The following KIRREL1 variants were observed in gnomAD, a reference collection of about 807,000 sequenced individuals.
KIRREL1 encodes the protein kirre like nephrin family adhesion molecule 1.
In KIRREL1, 25 loss-of-function variants were observed where a neutral mutation model predicts 83.3. The observed-to-expected ratio is 0.30, with a 90% CI of 0.22 to 0.42. The LOEUF (loss-of-function observed/expected upper bound fraction) is 0.42, where lower values mean the gene tolerates loss of function less well. Among genes scored for constraint, KIRREL1 ranks in the 10% least tolerant of loss-of-function variants. KIRREL1 has a pLI of 1.00. For missense variants in KIRREL1, 812 were observed against 1,032.3 expected, an observed-to-expected ratio of 0.79 and a Z score of 2.92; for synonymous variants, 388 against 410.4, an observed-to-expected ratio of 0.95 and a Z score of 0.66.
In KIRREL1 at chr1:158,099,664, A is replaced by G. The variant is rs944176738; in HGVS notation, c.*4544A>G. 5 of 152,122 alleles carry G rather than the reference A, an allele frequency of 3.3e-5. No homozygotes were observed. Among genetic ancestry groups the G allele is most frequent in the Admixed American group, 3.3e-4 (5 of 15,274 alleles). 9.4% of individuals were successfully genotyped at this position (152,122 alleles called of 1,614,324 possible). A position where few individuals can be genotyped will look rare whatever the true frequency, so the allele number is the denominator to read the frequency against. Reference sequence around the variant, plus strand: ...TAATAACAATAATAATAATAACTCCATTTGCATAGAACTGTCACTCATTCC... The same window carrying G: ...TAATAACAATAATAATAATAACTCCGTTTGCATAGAACTGTCACTCATTCC... On this transcript the variant is annotated 3_prime_UTR_variant, in exon 15 of 15. Transcript: ENST00000359209.
intron 1 of KIRREL1, among the ~76,000 whole-genome samples, chr1:158,018,970 T>C (rs964077793): frequency 3.3e-5 from 5 of 152,188 alleles, no homozygotes; most frequent in African/African-American, 1.2e-4. Context: ...ATAAGGTTCA[T>C]TCGGATGACT....
chr1:158,074,975 G>C (rs1445832251), intron 1 of KIRREL1, among the ~76,000 whole-genome samples: 1 of 152,134 alleles, frequency 6.6e-6, no homozygotes, highest in African/African-American at 2.4e-5. Context: ...GCCGATTTCA[G>C]TTACCTGGTA....
intron 2 of KIRREL1, 49 bp downstream of exon 2, chr1:158,076,311 T>G: frequency 1.3e-6 from 2 of 1,558,016 alleles, no homozygotes; most frequent in Non-Finnish European, 8.8e-7. Flanking sequence ...TTCTCCGCCA[T>G]TCCCCACTTC....
rs1477886569 is a variant in KIRREL1, at chr1:158,098,827, C to T, written c.*3707C>T. ...CCCTTATTCCAGCAGGGCTACTTTC[C>T]TCTTCACTCTGATGAGGGGAGCTTT... On this transcript the variant is annotated 3_prime_UTR_variant, in exon 15 of 15. Coordinates refer to ENST00000359209, the MANE Select transcript of KIRREL1 (RefSeq NM_018240.7). 1 of 152,218 alleles carries T rather than the reference C, an allele frequency of 6.6e-6. No homozygotes were observed. Among genetic ancestry groups the T allele is most frequent in the Admixed American group, 6.5e-5 (1 of 15,282 alleles). The allele number at this position is 152,218 out of a possible 1,614,324, so 9.4% of individuals were successfully genotyped here.
At chr1:158,027,274 G>A (rs1391614311) in intron 1 of KIRREL1, among the ~76,000 whole-genome samples, 4 of 152,218 alleles carry the variant, frequency 2.6e-5, no homozygotes, top group East Asian at 3.8e-4. Flanking sequence ...GAGGCACAGA[G>A]CAAGGCACGT....
rs572974912 is a variant in KIRREL1, at chr1:158,031,369, A to G, written c.52+37641A>G. ...CACACACACACATGCACACACACGC[A>G]CTGCCATGAGGCTTGGAGAGTTAGG... On this transcript the variant is annotated intron_variant, in intron 1 of 14. Coordinates refer to ENST00000359209, the MANE Select transcript of KIRREL1 (RefSeq NM_018240.7). Among the ~76,000 whole-genome samples the G allele has an allele frequency of 7.0e-4, 106 of 152,200 alleles. 1 individual carries two copies. Among genetic ancestry groups the G allele is most frequent in the African/African-American group, 2.4e-3 (101 of 41,516 alleles).
At chr1:158,056,177 T>C (rs941037251) in intron 1 of KIRREL1, among the ~76,000 whole-genome samples, 1 of 152,226 alleles carries the variant, frequency 6.6e-6, no homozygotes, top group East Asian at 1.9e-4. Flanking sequence ...CAGTCTCTGT[T>C]TGTCAACACC....
chr1:158,092,105 A>G (rs886305183), intron 11 of KIRREL1, among the ~76,000 whole-genome samples: 2 of 152,232 alleles, frequency 1.3e-5, no homozygotes, highest in African/African-American at 2.4e-5. Context: ...ATAGGTGTTC[A>G]GTAAGTATGG....
intron 1 of KIRREL1, among the ~76,000 whole-genome samples, chr1:158,033,276 T>C (rs146536315): frequency 0.029 from 4,366 of 152,250 alleles, 86 homozygotes; most frequent in Middle Eastern, 0.051. Flanking sequence ...TTCACCATGT[T>C]GACCAGGCTG....
At chr1:158,020,933 G>A (rs1429181047) in intron 1 of KIRREL1, among the ~76,000 whole-genome samples, 1 of 152,170 alleles carries the variant, frequency 6.6e-6, no homozygotes, top group Non-Finnish European at 1.5e-5. Context: ...TTGATGATGG[G>A]ACCACCTTAC....
chr1:158,054,367 A>T (rs2101596214), intron 1 of KIRREL1, among the ~76,000 whole-genome samples: 1 of 152,030 alleles, frequency 6.6e-6, no homozygotes, highest in African/African-American at 2.4e-5. Flanking sequence ...TCTTGCCAAC[A>T]AGTTGCCTGT....
chr1:158,035,327 C>G (rs953777487), intron 1 of KIRREL1, among the ~76,000 whole-genome samples: 1 of 152,148 alleles, frequency 6.6e-6, no homozygotes, highest in African/African-American at 2.4e-5. Flanking sequence ...TGTAAAGTTG[C>G]GACTGCCCTC....
Position 158,098,315 on chromosome 1 carries a change from A to G in KIRREL1, c.*3195A>G, listed in dbSNP as rs148306717. The G allele has an allele frequency of 1.3e-4, 20 of 152,346 alleles. No individual in the cohort carries two copies. The highest frequency in any genetic ancestry group is 4.8e-4 in the African/African-American group (20 of 41,584). 9.4% of individuals were successfully genotyped at this position (152,346 alleles called of 1,614,324 possible). On this transcript the variant is annotated 3_prime_UTR_variant, in exon 15 of 15. Transcript: ENST00000359209. Reference sequence around the variant, plus strand: ...ATAGTATGCACATAGGGATATTGTTATGTGCCTAGGTTTCAGGCACTCCTT... The same window carrying G: ...ATAGTATGCACATAGGGATATTGTTGTGTGCCTAGGTTTCAGGCACTCCTT...
At chr1:158,007,628 G>T (rs553402948) in intron 1 of KIRREL1, among the ~76,000 whole-genome samples, 2 of 152,050 alleles carry the variant, frequency 1.3e-5, no homozygotes, top group Admixed American at 6.5e-5. Flanking sequence ...CGTGTGTCTG[G>T]GGGGAGAGTG....
chr1:158,082,404 C>G (rs1661889253), intron 3 of KIRREL1, among the ~76,000 whole-genome samples: 1 of 152,030 alleles, frequency 6.6e-6, no homozygotes, highest in African/African-American at 2.4e-5. Context: ...TGAAACCAGG[C>G]AGTCTGAATC....
intron 1 of KIRREL1, among the ~76,000 whole-genome samples, chr1:158,011,543 GGAGGCATTTCGCT>G (rs1659687715): frequency 6.6e-6 from 1 of 152,194 alleles, no homozygotes. Flanking sequence ...GGGAGGGGTT[GGAGGCATTTCGCT>G]GAGGCCTAGG....
chr1:158,029,366 T>TGTGTGTGTGTGTGTGCGCGC (rs1553238087), intron 1 of KIRREL1, among the ~76,000 whole-genome samples: 3 of 148,930 alleles, frequency 2.0e-5, no homozygotes, highest in African/African-American at 7.5e-5. Context: ...TGTGTGTGTG[T>TGTGTGTGTGTGTGTGCGCGC]GCACGTGCGC....
chr1:158,002,321 G>A (rs1007515796), intron 1 of KIRREL1, among the ~76,000 whole-genome samples: 1 of 152,194 alleles, frequency 6.6e-6, no homozygotes, highest in African/African-American at 2.4e-5. Context: ...GAGTCAAGGG[G>A]AGCCATCTGG....
intron 1 of KIRREL1, among the ~76,000 whole-genome samples, chr1:158,065,049 T>C (rs1661323999): frequency 6.7e-6 from 1 of 148,988 alleles, no homozygotes; most frequent in South Asian, 2.1e-4. Flanking sequence ...CAGAGAGGGG[T>C]CCTTCAGAGT....
Sources: gnomAD v4.1 joint callset for allele counts (sites outside exome capture counted in the v4.1 genomes callset) on GRCh38, gnomAD v4.1.1 for gene constraint, MANE v1.5 for transcripts, NCBI Gene and HGNC (gene_info 2026-07-23, HGNC 2026-07-21) for gene names.